PHLDB2: variants seen among roughly 807,000 people sequenced by gnomAD.
The protein encoded by PHLDB2 is pleckstrin homology like domain family B member 2.
A neutral mutation model predicts 123.6 loss-of-function variants in PHLDB2; 71 were observed. The ratio of observed to expected loss-of-function variants is 0.57; its 90% CI spans 0.47 to 0.70. PHLDB2 has a LOEUF of 0.70. Ranked by LOEUF, PHLDB2 falls within the 30% of genes least tolerant of loss-of-function variation. PHLDB2 has a pLI of 0.00. For synonymous variants in PHLDB2, 547 were observed against 541.6 expected, an observed-to-expected ratio of 1.01 and a Z score of -0.14; for missense variants, 1,446 against 1,519.5, an observed-to-expected ratio of 0.95 and a Z score of 0.80.
intron 1 of PHLDB2, among the ~76,000 whole-genome samples, chr3:111,796,124 C>T (rs2061150084): frequency 6.6e-6 from 1 of 152,164 alleles, no homozygotes. Context: ...GTCTCGAACT[C>T]CTGACCTCAG....
rs2059868426 is a variant in PHLDB2, at chr3:111,755,436, CG to C, written c.-49+22734del. Among the ~76,000 whole-genome samples, 4 of 135,324 alleles carry C rather than the reference CG, an allele frequency of 3.0e-5. No homozygotes were observed. The South Asian group carries it at 1.0e-3, about 34-fold the overall frequency. The allele number at this position is 135,324 out of a possible 152,430, so 88.8% of individuals were successfully genotyped here. On this transcript the variant is annotated intron_variant, in intron 1 of 17. Transcript: ENST00000393923. ...TCTTCTAGATTTTCTAGTTTATTTG[CG>C]TAGAGGTGTTTGTAGTATTCTCTGA...
At chr3:111,967,975 CAAAAAAAAA>C (rs58918022) in intron 15 of PHLDB2, 151 bp downstream of exon 15, 810 of 67,826 alleles carry the variant, frequency 0.012, 11 homozygotes, top group African/African-American at 0.035. Flanking sequence ...CATTCCTGTG[CAAAAAAAAA>C]AAAAAAAAAA....
intron 1 of PHLDB2, among the ~76,000 whole-genome samples, chr3:111,818,080 T>A (rs926662191): frequency 6.6e-6 from 1 of 152,140 alleles, no homozygotes; most frequent in Non-Finnish European, 1.5e-5. Context: ...GATATAAGGT[T>A]ATAGTTTCTA....
chr3:111,844,107 C>A (rs945115390), intron 1 of PHLDB2, among the ~76,000 whole-genome samples: 1 of 152,214 alleles, frequency 6.6e-6, no homozygotes, highest in Non-Finnish European at 1.5e-5. Flanking sequence ...AACACTCCAG[C>A]TGGATTCTTG....
intron 1 of PHLDB2, among the ~76,000 whole-genome samples, chr3:111,768,092 C>A (rs1364385622): frequency 6.6e-6 from 1 of 152,080 alleles, no homozygotes; most frequent in East Asian, 1.9e-4. Context: ...AGTTGATAGC[C>A]ACAAATAGGG....
chr3:111,767,855 G>A (rs1576545190), intron 1 of PHLDB2, among the ~76,000 whole-genome samples: 1 of 152,118 alleles, frequency 6.6e-6, no homozygotes, highest in African/African-American at 2.4e-5. Context: ...TACTAAATTT[G>A]TCTATAGAGA....
In PHLDB2 at chr3:111,962,067, A is replaced by G. The variant is rs1321218751; in HGVS notation, c.2873-41A>G. The stretch of plus-strand genomic sequence containing the variant: ...GTAGATGTTTAAGATTCAAAGACTG[A>G]AAAATGAGGCAAACTAACATATTTA... On this transcript the variant is annotated intron_variant, in intron 12 of 17. Coordinates refer to ENST00000431670, the MANE Select transcript of PHLDB2 (RefSeq NM_001134438.2). 2.6e-6 allele frequency: 4 copies of G among 1,561,308 alleles called. No homozygotes were observed. In the African/African-American group the frequency reaches 4.2e-5, roughly 16 times the overall value.
intron 1 of PHLDB2, among the ~76,000 whole-genome samples, chr3:111,882,311 G>A (rs17490973): frequency 0.046 from 7,018 of 152,236 alleles, 218 homozygotes; most frequent in Non-Finnish European, 0.066. Context: ...GCAAGCCAAC[G>A]AGAGGTGATG....
intron 5 of PHLDB2, among the ~76,000 whole-genome samples, chr3:111,930,792 G>A (rs774686376): frequency 1.3e-5 from 2 of 152,174 alleles, no homozygotes; most frequent in Admixed American, 6.5e-5. Context: ...AGAAATTTTC[G>A]TTGTTGTCTG....
chr3:111,781,683 A>G (rs1047938362), intron 1 of PHLDB2, among the ~76,000 whole-genome samples: 25 of 152,126 alleles, frequency 1.6e-4, no homozygotes, highest in African/African-American at 2.4e-4. Context: ...TTCAAATATG[A>G]TTTCATTTAA....
At position 111,884,807 on chromosome 3, in the gene PHLDB2, A is replaced by T; in HGVS notation, c.730A>T (p.Ser244Cys). The T allele has an allele frequency of 6.2e-7, 1 of 1,614,136 alleles. No homozygotes were observed. Among genetic ancestry groups the T allele is most frequent in the Non-Finnish European group, 8.5e-7 (1 of 1,180,000 alleles). Reference sequence around the variant, plus strand: ...TTTGAGAACTAGGAAGTACTCCAGCAGCAGCCTGAGTCACATGGGAGCCTA... The same window carrying T: ...TTTGAGAACTAGGAAGTACTCCAGCTGCAGCCTGAGTCACATGGGAGCCTA... ...INLRTRKYSSSSLSHMGAYSR... is the reference protein window; with the variant it reads ...INLRTRKYSSCSLSHMGAYSR... Residue 244 changes from serine (S) to cysteine (C), a missense_variant, in exon 2 of 18, where the codon AGC becomes TGC. Ser to Cys is a moderately radical substitution (Grantham distance 112). This residue lies in a region of PHLDB2 where 832 missense variants were observed against 831.9 expected (regional missense o/e 1.00). Transcript: ENST00000431670.
chr3:111,892,287 C>T (rs552879385), intron 2 of PHLDB2, among the ~76,000 whole-genome samples: 1 of 152,178 alleles, frequency 6.6e-6, no homozygotes, highest in South Asian at 2.1e-4. Context: ...CAATTCCTAC[C>T]ATTGAAGGTG....
chr3:111,938,750 T>C (rs2069663147), intron 6 of PHLDB2, among the ~76,000 whole-genome samples: 1 of 152,188 alleles, frequency 6.6e-6, no homozygotes, highest in African/African-American at 2.4e-5. Flanking sequence ...TCTTGTTTTC[T>C]ATGAAAAATT....
chr3:111,798,907 C>T (rs1298512144), intron 1 of PHLDB2, among the ~76,000 whole-genome samples: 3 of 152,052 alleles, frequency 2.0e-5, no homozygotes, highest in Non-Finnish European at 4.4e-5. Flanking sequence ...TAAAGACATA[C>T]CCAAGACTGG....
At chr3:111,739,060 T>C (rs2059556112) in intron 1 of PHLDB2, among the ~76,000 whole-genome samples, 1 of 152,236 alleles carries the variant, frequency 6.6e-6, no homozygotes, top group Non-Finnish European at 1.5e-5. Flanking sequence ...ATCTCTAATG[T>C]CTTCTCTAGT....
At chr3:111,864,318 T>C (rs1347879725) in intron 1 of PHLDB2, among the ~76,000 whole-genome samples, 1 of 152,202 alleles carries the variant, frequency 6.6e-6, no homozygotes, top group East Asian at 1.9e-4. Flanking sequence ...TGGCTAGAAA[T>C]ATTTATTGGG....
intron 12 of PHLDB2, among the ~76,000 whole-genome samples, chr3:111,959,218 A>T: frequency 6.6e-6 from 1 of 152,228 alleles, no homozygotes; most frequent in East Asian, 1.9e-4. Context: ...TTGGAATCAC[A>T]CTGGTTCAAT....
chr3:111,899,757 T>A (rs2067080971), intron 2 of PHLDB2, among the ~76,000 whole-genome samples: 1 of 152,188 alleles, frequency 6.6e-6, no homozygotes, highest in African/African-American at 2.4e-5. Flanking sequence ...GGCATCTTCT[T>A]CCAATATAAA....
chr3:111,918,969 A>G (rs16858868), intron 3 of PHLDB2, 103 bp from the exon 4 acceptor site: 389,860 of 1,203,898 alleles, frequency 0.32, 69,290 homozygotes, highest in East Asian at 0.66. Context: ...CTACATGGGC[A>G]TGGAGACTGT....
Sources: gnomAD v4.1 joint callset for allele counts (sites outside exome capture counted in the v4.1 genomes callset) on GRCh38, gnomAD v4.1.1 for gene constraint, gnomAD v4.1.1 regional missense constraint, MANE v1.5 for transcripts, NCBI Gene and HGNC (gene_info 2026-07-23, HGNC 2026-07-21) for gene names.